The following KAZN variants were observed in gnomAD, a reference collection of about 807,000 sequenced individuals.
KAZN encodes the protein kazrin.
In KAZN, 40 loss-of-function variants were observed where a neutral mutation model predicts 87.4. The observed-to-expected ratio is 0.46, with a 90% CI of 0.36 to 0.60. The LOEUF (loss-of-function observed/expected upper bound fraction) is 0.60, where lower values mean the gene tolerates loss of function less well. Among genes scored for constraint, KAZN ranks in the 20% least tolerant of loss-of-function variants. The pLI, the probability that KAZN is intolerant of heterozygous loss-of-function variation, is 0.00. For synonymous variants in KAZN, 466 were observed against 458.3 expected (o/e 1.02, Z -0.22); for missense variants, 898 against 1,073.9 (o/e 0.84, Z 2.29).
At chr1:13,895,499 G>T (rs938306579) in intron 1 of KAZN, among the ~76,000 whole-genome samples, 3 of 152,040 alleles carry the variant, frequency 2.0e-5, no homozygotes, top group Non-Finnish European at 4.4e-5. Context: ...AATGCAACAT[G>T]GAATAATAAT....
rs530259406 is a variant in KAZN, at chr1:14,974,029, A to G, written c.418+13154A>G. Among the ~76,000 whole-genome samples the G allele has an allele frequency of 7.9e-5, 12 of 152,098 alleles. No individual in the cohort carries two copies. In the South Asian group the frequency reaches 2.3e-3, roughly 29 times the overall value. On this transcript the variant is annotated intron_variant, in intron 2 of 14. Coordinates refer to ENST00000376030, the MANE Select transcript of KAZN (RefSeq NM_201628.3). ...ATGCTATTCCTCTGGACGACCCAAG[A>G]TGGCTTCACTCACATATCTGGTGCC...
At chr1:14,831,517 G>A (rs1425055690) in intron 1 of KAZN, among the ~76,000 whole-genome samples, 1 of 152,134 alleles carries the variant, frequency 6.6e-6, no homozygotes, top group African/African-American at 2.4e-5. Context: ...TGTGGGTGCT[G>A]TGTGTTGCTT....
In KAZN at chr1:15,117,588, C is replaced by T. The variant is rs1283860297; in HGVS notation, c.*2953C>T. The stretch of plus-strand genomic sequence containing the variant: ...AGCGTGGAGGGCCCCAGGACAGGGA[C>T]CCAAAAGCTTGACGTCACTGAACAG... On this transcript the variant is annotated 3_prime_UTR_variant, in exon 15 of 15. Coordinates refer to ENST00000376030, the MANE Select transcript of KAZN (RefSeq NM_201628.3). 1 of 152,358 alleles carries T rather than the reference C, an allele frequency of 6.6e-6. No homozygotes were observed. The highest frequency in any genetic ancestry group is 1.5e-5 in the Non-Finnish European group (1 of 68,202). 9.4% of individuals were successfully genotyped at this position (152,358 alleles called of 1,614,324 possible).
At chr1:14,662,964 C>CATATATATATATATATATATAT (rs141562526) in intron 1 of KAZN, among the ~76,000 whole-genome samples, 1 of 127,970 alleles carries the variant, frequency 7.8e-6, no homozygotes, top group East Asian at 2.3e-4. Flanking sequence ...TATATGCACA[C>CATATATATATATATATATATAT]ATATATATAT....
In KAZN at chr1:14,828,655, G is replaced by T. The variant is rs147706126; in HGVS notation, c.227-132029G>T. 3.8e-3 allele frequency among the ~76,000 whole-genome samples: 586 copies of T among 152,224 alleles called. 7 individuals are homozygous for T. The highest frequency in any genetic ancestry group is 0.013 in the African/African-American group (555 of 41,542). On this transcript the variant is annotated intron_variant, in intron 1 of 14. Transcript: ENST00000376030. ...CCATTATAAATGCTTTTAGCTGAAG[G>T]TTACAGAAACCTTGACTAAAAGTTG...
At chr1:14,350,673 G>A (rs1238435718) in intron 2 of KAZN, among the ~76,000 whole-genome samples, 1 of 152,244 alleles carries the variant, frequency 6.6e-6, no homozygotes, top group Non-Finnish European at 1.5e-5. Flanking sequence ...CAGTGTGGAA[G>A]TGGCAGAGAC....
intron 2 of KAZN, among the ~76,000 whole-genome samples, chr1:14,487,160 A>G (rs115676139): frequency 3.8e-3 from 572 of 152,280 alleles, no homozygotes; most frequent in Non-Finnish European, 5.4e-3. Flanking sequence ...CTCTTGGTCC[A>G]ACACCAGCAT....
intron 2 of KAZN, among the ~76,000 whole-genome samples, chr1:14,379,705 G>C (rs1661210923): frequency 1.3e-5 from 2 of 152,090 alleles, no homozygotes; most frequent in South Asian, 4.2e-4. Flanking sequence ...CTCATGGTTT[G>C]AGTGCCAGCT....
At chr1:14,031,624 C>A (rs1325626319) in intron 1 of KAZN, among the ~76,000 whole-genome samples, 1 of 152,222 alleles carries the variant, frequency 6.6e-6, no homozygotes, top group African/African-American at 2.4e-5. Context: ...TGGCTAGATT[C>A]TTGCCACAGG....
intron 1 of KAZN, among the ~76,000 whole-genome samples, chr1:13,998,846 C>T (rs1488162522): frequency 3.3e-5 from 5 of 152,160 alleles, no homozygotes; most frequent in Non-Finnish European, 7.3e-5. Context: ...GACTTGAATT[C>T]TGCTCTGGAT....
chr1:14,737,727 C>T (rs1000028915), intron 1 of KAZN, among the ~76,000 whole-genome samples: 3 of 152,112 alleles, frequency 2.0e-5, no homozygotes, highest in African/African-American at 7.2e-5. Flanking sequence ...TGATGGAAAT[C>T]TGTTCTTTGC....
intron 2 of KAZN, among the ~76,000 whole-genome samples, chr1:14,210,208 G>A (rs1191135951): frequency 6.6e-6 from 1 of 152,176 alleles, no homozygotes; most frequent in Non-Finnish European, 1.5e-5. Context: ...CTGTTCTTGT[G>A]ATGGTGAATA....
At position 15,056,270 on chromosome 1, in the gene KAZN, G is replaced by A. The variant is rs535358943; in HGVS notation, c.906G>A (p.Ala302=). ...TLYHSHPPHP[A]DRQAVRVSPC... ...ACCACTCACACCCCCCTCACCCTGC[G>A]GACCGGCAAGGTGAGTCCTGCCCTG... The change falls in exon 5 of 15, where the codon GCG becomes GCA. Residue 302 remains alanine (A), a synonymous_variant. Coordinates refer to ENST00000376030, the MANE Select transcript of KAZN (RefSeq NM_201628.3). The surrounding 1 kb of genome is among the most constrained non-coding windows in gnomAD (Gnocchi z 5.4). 19 of 1,605,538 alleles carry A rather than the reference G, an allele frequency of 1.2e-5. No individual in the cohort carries two copies. Among genetic ancestry groups the A allele is most frequent in the East Asian group, 6.7e-5 (3 of 44,564 alleles).
At chr1:14,518,802 T>A (rs1048739697) in intron 2 of KAZN, among the ~76,000 whole-genome samples, 1 of 152,236 alleles carries the variant, frequency 6.6e-6, no homozygotes, top group African/African-American at 2.4e-5. Context: ...GATACTATAT[T>A]TTGAGAGCTG....
intron 2 of KAZN, among the ~76,000 whole-genome samples, chr1:14,300,412 T>G (rs1345563011): frequency 6.6e-6 from 1 of 152,126 alleles, no homozygotes. Context: ...TTGAATTTTC[T>G]GTAGAGATGA....
At chr1:15,093,082 G>A (rs1037337813) in intron 8 of KAZN, among the ~76,000 whole-genome samples, 2 of 152,064 alleles carry the variant, frequency 1.3e-5, no homozygotes, top group African/African-American at 2.4e-5. Flanking sequence ...GGAAACAACC[G>A]CCATGCCCAT....
intron 2 of KAZN, among the ~76,000 whole-genome samples, chr1:14,510,902 C>G (rs987627383): frequency 6.6e-6 from 1 of 152,122 alleles, no homozygotes. Flanking sequence ...AATTCAAGAG[C>G]AAATTCTCAT....
At chr1:14,165,990 T>C (rs1247310462) in intron 1 of KAZN, among the ~76,000 whole-genome samples, 1 of 152,024 alleles carries the variant, frequency 6.6e-6, no homozygotes, top group African/African-American at 2.4e-5. Flanking sequence ...GTACGGAATA[T>C]GCGTAAGGCC....
intron 1 of KAZN, among the ~76,000 whole-genome samples, chr1:14,699,740 A>C (rs4661298): frequency 0.51 from 77,392 of 152,046 alleles, 19,807 homozygotes; most frequent in South Asian, 0.59. Context: ...AATGTTTGAC[A>C]GCCATCTCTT....
Sources: allele counts gnomAD v4.1 joint callset (sites outside exome capture counted in the v4.1 genomes callset), GRCh38; gene constraint gnomAD v4.1.1; non-coding constraint Gnocchi (gnomAD v3.1); transcripts MANE v1.5; gene names NCBI Gene and HGNC (gene_info 2026-07-23, HGNC 2026-07-21).